ZNF787: variants seen among roughly 807,000 people sequenced by gnomAD.
ZNF787 encodes zinc finger protein 787.
ZNF787 carries 7 observed loss-of-function variants against 16.9 expected under a neutral mutation model. That is an observed-to-expected ratio of 0.42 (90% CI 0.24 to 0.78). The LOEUF (loss-of-function observed/expected upper bound fraction) is 0.78, where lower values mean the gene tolerates loss of function less well. Ranked by LOEUF, ZNF787 falls within the 30% of genes least tolerant of loss-of-function variation. The pLI is 0.30. For missense variants in ZNF787, 551 were observed against 589.3 expected (o/e 0.94, Z 0.67); for synonymous variants, 345 against 270.9 (o/e 1.27, Z -2.69).
At position 56,098,837 on chromosome 19, in the gene ZNF787, A is replaced by ATGCTGCCCGGGTGAT. The variant is rs1194434331; in HGVS notation, c.79+4301_79+4302insATCACCCGGGCAGCA. 3.7e-5 allele frequency among the ~76,000 whole-genome samples: 4 copies of ATGCTGCCCGGGTGAT among 107,998 alleles called. 1 individual carries two copies. The highest frequency in any genetic ancestry group is 9.5e-4 in the East Asian group (2 of 2,102). 70.9% of individuals were successfully genotyped at this position (107,998 alleles called of 152,430 possible). On this transcript the variant is annotated intron_variant, in intron 2 of 2. Coordinates refer to ENST00000610935, the MANE Select transcript of ZNF787 (RefSeq NM_001002836.4). The stretch of plus-strand genomic sequence containing the variant: ...CCCGGGTGATTACGGCCGCAGGGTG[A>ATGCTGCCCGGGTGAT]TACGGCCGCAGGGTGATATGGCCAC...
At chr19:56,100,484 G>A (rs564817108) in intron 2 of ZNF787, among the ~76,000 whole-genome samples, 8 of 152,248 alleles carry the variant, frequency 5.3e-5, no homozygotes, top group East Asian at 3.9e-4. Context: ...GGTGGGCTGC[G>A]AGCCCTGCTG....
chr19:56,092,910 G>A (rs1985693382), intron 2 of ZNF787, among the ~76,000 whole-genome samples: 3 of 151,894 alleles, frequency 2.0e-5, no homozygotes, highest in Admixed American at 6.6e-5. Context: ...ATAGACACAG[G>A]GGGTGGCGGA....
intron 2 of ZNF787, chr19:56,101,895 T>C (rs927865056): frequency 6.6e-6 from 1 of 152,188 alleles, no homozygotes; most frequent in Non-Finnish European, 1.5e-5. Context: ...CCTCGAGGGC[T>C]GTGGCGGTGC....
In ZNF787 at chr19:56,097,552, T is replaced by C. The variant is rs8100710; in HGVS notation, c.79+5587A>G. Among the ~76,000 whole-genome samples the C allele has an allele frequency of 8.2e-3, 1,244 of 152,324 alleles. 19 individuals are homozygous for C. The highest frequency in any genetic ancestry group is 0.028 in the African/African-American group (1,170 of 41,582). ...GCGTGGACGGCGGCCAGCATGTAAA[T>C]GAAACGGAATGGAGGCAGGAGGAGG... On this transcript the variant is annotated intron_variant, in intron 2 of 2. Transcript: ENST00000610935.
chr19:56,106,453 G>A (rs1201426480), intron 1 of ZNF787, among the ~76,000 whole-genome samples: 1 of 152,246 alleles, frequency 6.6e-6, no homozygotes, highest in Non-Finnish European at 1.5e-5. Flanking sequence ...GGAAGGAGAA[G>A]CCTGCGCAGG....
At chr19:56,114,303 C>CG (rs1331748358) in intron 1 of ZNF787, among the ~76,000 whole-genome samples, 2 of 151,938 alleles carry the variant, frequency 1.3e-5, no homozygotes, top group Non-Finnish European at 2.9e-5. Flanking sequence ...CCACTTGCCC[C>CG]GGCCAGGCCT....
chr19:56,090,838 G>A (rs552611404), intron 2 of ZNF787, among the ~76,000 whole-genome samples: 1 of 152,108 alleles, frequency 6.6e-6, no homozygotes, highest in Non-Finnish European at 1.5e-5. Context: ...AAACAAAAAC[G>A]CTTATGCTCA....
At chr19:56,120,110 T>A (rs552220730) in intron 1 of ZNF787, among the ~76,000 whole-genome samples, 1 of 152,330 alleles carries the variant, frequency 6.6e-6, no homozygotes, top group Non-Finnish European at 1.5e-5. Context: ...GGATGGCGAC[T>A]CTGTCGCCCG....
chr19:56,096,564 T>C (rs1285963877), intron 2 of ZNF787, among the ~76,000 whole-genome samples: 3 of 131,194 alleles, frequency 2.3e-5, no homozygotes, highest in Non-Finnish European at 5.0e-5. Flanking sequence ...ACTACAAAAA[T>C]TAGCCGGGCA....
Position 56,087,994 on chromosome 19 carries a change from C to CGG in ZNF787, c.*28_*29insCC. The CGG allele has an allele frequency of 9.6e-6, 12 of 1,248,900 alleles. No homozygotes were observed. Among genetic ancestry groups the CGG allele is most frequent in the East Asian group, 3.7e-5 (1 of 26,834 alleles). 77.4% of individuals were successfully genotyped at this position (1,248,900 alleles called of 1,614,324 possible). A position where few individuals can be genotyped will look rare whatever the true frequency, so the allele number is the denominator to read the frequency against. On this transcript the variant is annotated 3_prime_UTR_variant, in exon 3 of 3. Transcript: ENST00000610935. ...TCGCTCCCGCCAAGCCCGAGGGGCC[C>CGG]TGCCCGCCCCCCCCCCCGGGCCCCT...
chr19:56,099,930 C>T (rs938182428), intron 2 of ZNF787, among the ~76,000 whole-genome samples: 1 of 152,092 alleles, frequency 6.6e-6, no homozygotes, highest in African/African-American at 2.4e-5. Flanking sequence ...GTTCTGAGCA[C>T]GGCGCCGGGA....
chr19:56,095,957 C>A (rs1985851366), intron 2 of ZNF787, among the ~76,000 whole-genome samples: 1 of 152,172 alleles, frequency 6.6e-6, no homozygotes, highest in East Asian at 1.9e-4. Context: ...TTTTGCAACT[C>A]ATGGGGATAA....
chr19:56,119,121 C>A (rs2030217253), intron 1 of ZNF787, among the ~76,000 whole-genome samples: 1 of 152,174 alleles, frequency 6.6e-6, no homozygotes, highest in African/African-American at 2.4e-5. Context: ...CTGCCCAGCA[C>A]GGAGCACCAC....
In ZNF787 at chr19:56,114,527, G is replaced by C. The variant is rs181528422; in HGVS notation, c.-11+6645C>G. Among the ~76,000 whole-genome samples, 893 of 151,762 alleles carry C rather than the reference G, an allele frequency of 5.9e-3. 7 individuals carry two copies. The highest frequency in any genetic ancestry group is 8.0e-3 in the Non-Finnish European group (544 of 67,904). On this transcript the variant is annotated intron_variant, in intron 1 of 2. Transcript: ENST00000610935. The stretch of plus-strand genomic sequence containing the variant: ...CCTCCACCTGCCCCGGCCAGGCCTG[G>C]TCTCTCTCTCTGAGGGGCCGGGCTC...
intron 1 of ZNF787, among the ~76,000 whole-genome samples, chr19:56,113,861 G>A (rs1027073829): frequency 6.6e-6 from 1 of 152,002 alleles, no homozygotes; most frequent in Non-Finnish European, 1.5e-5. Context: ...ACAGAGTCTC[G>A]CTTTCTCGCC....
intron 2 of ZNF787, among the ~76,000 whole-genome samples, chr19:56,089,799 C>T (rs1985502882): frequency 6.6e-6 from 1 of 152,196 alleles, no homozygotes; most frequent in South Asian, 2.1e-4. Flanking sequence ...TTTGCCTGCA[C>T]ATCTTTACAC....
Position 56,088,261 on chromosome 19 carries a change from C to G in ZNF787, c.911G>C (p.Gly304Ala). ...GCCCCCCGCCGCCCCGAGCCCGTCC[C>G]CGTGCTGGGCCCGCTGGTGCGCCAG... ...GLLAHQRAQH[G>A]DGLGAAGGEE... The change falls in exon 3 of 3, where the codon GGG (glycine) becomes GCG (alanine). Residue 304 changes from glycine to alanine, a missense_variant. Coordinates refer to ENST00000610935, the MANE Select transcript of ZNF787 (RefSeq NM_001002836.4). The surrounding 1 kb of genome is among the most constrained non-coding windows in gnomAD (Gnocchi z 8.6). 1 of 1,438,082 alleles carries G rather than the reference C, an allele frequency of 7.0e-7. No homozygotes were observed. The highest frequency in any genetic ancestry group is 9.1e-7 in the Non-Finnish European group (1 of 1,098,856). 89.1% of individuals were successfully genotyped at this position (1,438,082 alleles called of 1,614,324 possible). A position where few individuals can be genotyped will look rare whatever the true frequency, so the allele number is the denominator to read the frequency against.
At position 56,087,433 on chromosome 19, in the gene ZNF787, C is replaced by G. The variant is rs1446744818; in HGVS notation, c.*590G>C. The G allele has an allele frequency of 6.6e-6, 1 of 152,286 alleles. No homozygotes were observed. Among genetic ancestry groups the G allele is most frequent in the Non-Finnish European group, 1.5e-5 (1 of 68,146 alleles). 9.4% of individuals were successfully genotyped at this position (152,286 alleles called of 1,614,324 possible). The stretch of plus-strand genomic sequence containing the variant: ...CCACCACGCCCAGGCCTGGGACAAA[C>G]GGGCACCCGCCTCCTGCGGCGCTGC... On this transcript the variant is annotated 3_prime_UTR_variant, in exon 3 of 3. Transcript: ENST00000610935.
intron 2 of ZNF787, among the ~76,000 whole-genome samples, chr19:56,101,438 C>T (rs116774280): frequency 6.6e-6 from 1 of 152,336 alleles, no homozygotes; most frequent in African/African-American, 2.4e-5. Flanking sequence ...GGCAGGGCAG[C>T]GGGCTGGACA....
Sources: gnomAD v4.1 joint callset for allele counts (sites outside exome capture counted in the v4.1 genomes callset) on GRCh38, gnomAD v4.1.1 for gene constraint, Gnocchi (gnomAD v3.1) non-coding constraint, MANE v1.5 for transcripts, NCBI Gene and HGNC (gene_info 2026-07-23, HGNC 2026-07-21) for gene names.